ZDHHC2: variants seen among roughly 807,000 people sequenced by gnomAD.
ZDHHC2 encodes the protein palmitoyltransferase ZDHHC2.
ZDHHC2 carries 51 observed loss-of-function variants against 55.6 expected under a neutral mutation model. That is an observed-to-expected ratio of 0.92 (90% CI 0.73 to 1.16). The LOEUF is 1.16. Among genes scored for constraint, ZDHHC2 ranks in the 50% most tolerant of loss-of-function variants. The pLI, the probability that ZDHHC2 is intolerant of heterozygous loss-of-function variation, is 0.00. For synonymous variants in ZDHHC2, 199 were observed against 152.9 expected (o/e 1.30, Z -2.22); for missense variants, 491 against 442.4 (o/e 1.11, Z -0.99).
chr8:17,167,229 G>A (rs1804645615), intron 1 of ZDHHC2, among the ~76,000 whole-genome samples: 1 of 151,442 alleles, frequency 6.6e-6, no homozygotes, highest in South Asian at 2.1e-4. Flanking sequence ...TACATGAGGG[G>A]ATCATCTATT....
intron 4 of ZDHHC2, 134 bp downstream of exon 4, chr8:17,195,758 T>C: frequency 8.1e-7 from 1 of 1,231,662 alleles, no homozygotes; most frequent in Non-Finnish European, 1.1e-6. Flanking sequence ...TGGATTGCTG[T>C]TAAATCTTTC....
chr8:17,203,804 T>C lies in ZDHHC2; in HGVS notation c.477-1851T>C, dbSNP rs371386132. Among the ~76,000 whole-genome samples the C allele has an allele frequency of 5.4e-3, 556 of 102,926 alleles. 10 individuals carry two copies. The highest frequency in any genetic ancestry group is 0.016 in the African/African-American group (532 of 33,290). 67.5% of individuals were successfully genotyped at this position (102,926 alleles called of 152,430 possible). On this transcript the variant is annotated intron_variant, in intron 6 of 12. Coordinates refer to ENST00000262096, the MANE Select transcript of ZDHHC2 (RefSeq NM_016353.5). ...TGCACGCACAATTTGTGGCTTCTTT[T>C]TTTTCTTTTTTTTTTTTTTTTTGAG...
At chr8:17,205,526 T>G (rs1807056340) in intron 6 of ZDHHC2, 129 bp from the exon 7 acceptor site, 2 of 1,083,642 alleles carry the variant, frequency 1.8e-6, no homozygotes, top group African/African-American at 3.3e-5. Context: ...CATAAAGAAA[T>G]CTTATGAGTT....
chr8:17,167,742 G>T (rs1353822448), intron 1 of ZDHHC2, among the ~76,000 whole-genome samples: 1 of 152,106 alleles, frequency 6.6e-6, no homozygotes, highest in East Asian at 1.9e-4. Flanking sequence ...TAAATTATAT[G>T]TGTAATAGAG....
intron 3 of ZDHHC2, among the ~76,000 whole-genome samples, chr8:17,195,116 T>G (rs895284565): frequency 1.3e-5 from 2 of 152,208 alleles, no homozygotes; most frequent in Admixed American, 6.5e-5. Flanking sequence ...ATTTTCTACA[T>G]TTGTTCTTAA....
chr8:17,204,839 T>A (rs928547506), intron 6 of ZDHHC2, among the ~76,000 whole-genome samples: 3 of 151,998 alleles, frequency 2.0e-5, no homozygotes, highest in African/African-American at 7.2e-5. Context: ...AATAATTTTT[T>A]AAAAAAGAAA....
chr8:17,180,979 A>G (rs927305406), intron 1 of ZDHHC2, among the ~76,000 whole-genome samples: 1 of 152,140 alleles, frequency 6.6e-6, no homozygotes, highest in Non-Finnish European at 1.5e-5. Flanking sequence ...TTTCCTTTTT[A>G]AAGGAACAGG....
intron 1 of ZDHHC2, among the ~76,000 whole-genome samples, chr8:17,179,904 C>G (rs1805344960): frequency 6.6e-6 from 1 of 152,138 alleles, no homozygotes; most frequent in South Asian, 2.1e-4. Flanking sequence ...ATTGCTAAAG[C>G]AAAATATTAT....
At chr8:17,168,792 A>G (rs1034297937) in intron 1 of ZDHHC2, among the ~76,000 whole-genome samples, 5 of 152,114 alleles carry the variant, frequency 3.3e-5, no homozygotes, top group Non-Finnish European at 5.9e-5. Flanking sequence ...ATATCTTCAG[A>G]GTTCACCTGT....
At chr8:17,156,952 GC>G in intron 1 of ZDHHC2, 99 bp downstream of exon 1, 3 of 1,186,250 alleles carry the variant, frequency 2.5e-6, no homozygotes, top group Non-Finnish European at 3.3e-6. Context: ...CCCCGGATGC[GC>G]CCCGGGCGCT....
At chr8:17,178,024 C>T (rs1805235222) in intron 1 of ZDHHC2, among the ~76,000 whole-genome samples, 3 of 152,114 alleles carry the variant, frequency 2.0e-5, no homozygotes, top group African/African-American at 7.2e-5. Flanking sequence ...TTTAGAAACA[C>T]TTTACTGTTC....
intron 11 of ZDHHC2, among the ~76,000 whole-genome samples, chr8:17,216,002 T>G (rs1474769742): frequency 6.6e-6 from 1 of 152,204 alleles, no homozygotes; most frequent in Non-Finnish European, 1.5e-5. Flanking sequence ...TTTGTTCTTT[T>G]CAAAAGACTA....
intron 3 of ZDHHC2, among the ~76,000 whole-genome samples, chr8:17,189,710 G>A (rs1297991695): frequency 6.6e-6 from 1 of 152,186 alleles, no homozygotes; most frequent in African/African-American, 2.4e-5. Flanking sequence ...GGACAGAGTG[G>A]CAAAAGGATA....
Position 17,210,435 on chromosome 8 carries a change from C to A in ZDHHC2, c.905C>A (p.Pro302His). Residue 302 changes from proline (P) to histidine (H), a missense_variant, in exon 10 of 13, where the codon CCT becomes CAT. Transcript: ENST00000262096. ...CCAACTTGCCTTGTTAACCAGGATC[C>A]TGAACAAGCATCTACTCCTGCAGGG... ...SFPTCLVNQD[P>H]EQASTPAGLN... 6.2e-7 allele frequency: 1 copy of A among 1,613,180 alleles called. No individual in the cohort carries two copies. Among genetic ancestry groups the A allele is most frequent in the Non-Finnish European group, 8.5e-7 (1 of 1,179,530 alleles).
intron 10 of ZDHHC2, among the ~76,000 whole-genome samples, chr8:17,214,840 G>C (rs1807569422): frequency 6.6e-6 from 1 of 152,052 alleles, no homozygotes; most frequent in African/African-American, 2.4e-5. Context: ...GGAGGTTGAG[G>C]CCATGACTGC....
chr8:17,164,034 AG>A (rs1245897634), intron 1 of ZDHHC2, among the ~76,000 whole-genome samples: 1 of 152,156 alleles, frequency 6.6e-6, no homozygotes, highest in Non-Finnish European at 1.5e-5. Flanking sequence ...TTATCAAGGC[AG>A]GGGGTAGGAG....
intron 6 of ZDHHC2, among the ~76,000 whole-genome samples, chr8:17,202,180 A>G (rs1459988366): frequency 6.6e-6 from 1 of 152,228 alleles, no homozygotes; most frequent in African/African-American, 2.4e-5. Flanking sequence ...CATACACATA[A>G]TCTGTAATAC....
intron 1 of ZDHHC2, among the ~76,000 whole-genome samples, chr8:17,180,821 C>G (rs1805394922): frequency 1.3e-5 from 2 of 152,248 alleles, no homozygotes; most frequent in Admixed American, 1.3e-4. Flanking sequence ...ATCTCTTTTC[C>G]ATTTTGACAA....
chr8:17,183,951 C>T (rs1805566978), intron 1 of ZDHHC2, among the ~76,000 whole-genome samples: 1 of 152,106 alleles, frequency 6.6e-6, no homozygotes, highest in South Asian at 2.1e-4. Flanking sequence ...CTTCAGAAGG[C>T]AGCGCATTTC....
Sources: gnomAD v4.1 joint callset for allele counts (sites outside exome capture counted in the v4.1 genomes callset) on GRCh38, gnomAD v4.1.1 for gene constraint, MANE v1.5 for transcripts, NCBI Gene and HGNC (gene_info 2026-07-23, HGNC 2026-07-21) for gene names.